MPPED1: variants seen among roughly 807,000 people sequenced by gnomAD.
MPPED1 encodes metallophosphoesterase domain containing 1.
Under a neutral mutation model 36.2 loss-of-function variants are expected in MPPED1, and 16 were observed. The observed-to-expected ratio is 0.44, with a 90% confidence interval of 0.30 to 0.67. The LOEUF is 0.67. Among genes scored for constraint, MPPED1 ranks in the 30% least tolerant of loss-of-function variants. MPPED1 has a pLI of 0.10. For synonymous variants in MPPED1, 199 were observed against 191.3 expected (o/e 1.04, Z -0.33); for missense variants, 307 against 453.4 (o/e 0.68, Z 2.93).
chr22:43,470,106 TCATCCATCCATC>T (rs201279311), intron 3 of MPPED1, among the ~76,000 whole-genome samples: 4 of 150,016 alleles, frequency 2.7e-5, no homozygotes, highest in Non-Finnish European at 3.0e-5. Context: ...CATCCATAAA[TCATCCATCCATC>T]CATCCATCCA....
At chr22:43,444,944 G>C (rs1930285304) in intron 3 of MPPED1, among the ~76,000 whole-genome samples, 1 of 152,120 alleles carries the variant, frequency 6.6e-6, no homozygotes, top group South Asian at 2.1e-4. Flanking sequence ...TTAAAAGCCA[G>C]GGTTGAAAAA....
intron 3 of MPPED1, among the ~76,000 whole-genome samples, chr22:43,463,316 G>T (rs1419978996): frequency 2.0e-5 from 3 of 148,778 alleles, no homozygotes; most frequent in East Asian, 1.9e-4. Context: ...TCAGATGTTG[G>T]GCTTATGATT....
intron 4 of MPPED1, among the ~76,000 whole-genome samples, chr22:43,495,120 AGGTGGTAGGAGGTGGTGGT>A: frequency 6.6e-6 from 1 of 150,816 alleles, no homozygotes; most frequent in Non-Finnish European, 1.5e-5. Flanking sequence ...GTGGTGATGG[AGGTGGTAGGAGGTGGTGGT>A]GGTGGTGATG....
intron 3 of MPPED1, among the ~76,000 whole-genome samples, chr22:43,454,136 G>A (rs1251636907): frequency 4.0e-5 from 6 of 151,878 alleles, no homozygotes; most frequent in Non-Finnish European, 8.8e-5. Flanking sequence ...AGCCTCCCAA[G>A]TAGCTGGGAT....
At chr22:43,454,830 A>G (rs1930696666) in intron 3 of MPPED1, among the ~76,000 whole-genome samples, 1 of 152,040 alleles carries the variant, frequency 6.6e-6, no homozygotes, top group East Asian at 1.9e-4. Flanking sequence ...GGATTGAGAC[A>G]TATATTTCTG....
At position 43,412,173 on chromosome 22, in the gene MPPED1, G is replaced by GGGCGGGGCGGGA. The variant is rs1326126697; in HGVS notation, c.-79+24_-79+25insGGAGGCGGGGCG. 2 of 979,192 alleles carry GGGCGGGGCGGGA rather than the reference G, an allele frequency of 2.0e-6. No homozygotes were observed. Among genetic ancestry groups the GGGCGGGGCGGGA allele is most frequent in the African/African-American group, 3.5e-5 (2 of 56,508 alleles). 60.7% of individuals were successfully genotyped at this position (979,192 alleles called of 1,614,324 possible). ...CCCGGGGCCAGGTAGGACCGGAGGC[G>GGGCGGGGCGGGA]GGCGGGGCGCGGCGGGCGCGGGCGG... On this transcript the variant is annotated intron_variant, in intron 1 of 6. Coordinates refer to ENST00000443721, the MANE Select transcript of MPPED1 (RefSeq NM_001044370.2).
At chr22:43,412,836 T>G (rs1360706878) in intron 1 of MPPED1, among the ~76,000 whole-genome samples, 1 of 152,216 alleles carries the variant, frequency 6.6e-6, no homozygotes, top group African/African-American at 2.4e-5. Flanking sequence ...TTCTGTCTCC[T>G]GTGTGTTTGT....
At position 43,502,554 on chromosome 22, in the gene MPPED1, C is replaced by T; in HGVS notation, c.749-90C>T. The T allele has an allele frequency of 9.7e-7, 1 of 1,032,970 alleles. No homozygotes were observed. Among genetic ancestry groups the T allele is most frequent in the African/African-American group, 1.6e-5 (1 of 63,534 alleles). 64.0% of individuals were successfully genotyped at this position (1,032,970 alleles called of 1,614,324 possible). A position where few individuals can be genotyped will look rare whatever the true frequency, so the allele number is the denominator to read the frequency against. ...CCGGAGTCCGGAAGCCCCATGCCTT[C>T]TCCAGGCTGCAGAAGCTGCTGCTAG... On this transcript the variant is annotated intron_variant, in intron 5 of 6. Transcript: ENST00000443721. This position sits in a 1 kb window ranked among gnomAD's most constrained non-coding sequence, Gnocchi z 5.5.
intron 2 of MPPED1, among the ~76,000 whole-genome samples, chr22:43,427,324 T>C (rs563186800): frequency 1.3e-5 from 2 of 152,212 alleles, no homozygotes; most frequent in African/African-American, 4.8e-5. Context: ...AACTGGGTAA[T>C]TTCTAGGTGA....
At chr22:43,412,313 G>A (rs963003714) in intron 1 of MPPED1, among the ~76,000 whole-genome samples, 155 bp downstream of exon 1, 2 of 151,550 alleles carry the variant, frequency 1.3e-5, no homozygotes, top group African/African-American at 4.8e-5. Flanking sequence ...TGCGGGAAGC[G>A]GGCTGGGCAC....
intron 1 of MPPED1, among the ~76,000 whole-genome samples, chr22:43,414,368 T>C (rs1929006033): frequency 6.6e-6 from 1 of 152,012 alleles, no homozygotes; most frequent in Admixed American, 6.6e-5. Flanking sequence ...CGGTGGTCGC[T>C]GGGATTCCGT....
chr22:43,476,712 G>A (rs146035453), intron 4 of MPPED1, among the ~76,000 whole-genome samples: 3 of 152,086 alleles, frequency 2.0e-5, no homozygotes, highest in Admixed American at 2.0e-4. Flanking sequence ...CATCTCCCTG[G>A]ACTTCACGAT....
chr22:43,460,367 T>C (rs1930916239), intron 3 of MPPED1, among the ~76,000 whole-genome samples: 1 of 147,734 alleles, frequency 6.8e-6, no homozygotes, highest in African/African-American at 2.5e-5. Context: ...TCTGTCTCAC[T>C]GCTTCCAGGT....
intron 2 of MPPED1, among the ~76,000 whole-genome samples, chr22:43,430,216 G>A (rs1339549050): frequency 3.9e-5 from 6 of 152,210 alleles, no homozygotes; most frequent in South Asian, 2.1e-4. Context: ...ATAGGGTTAC[G>A]AGGGGTAACA....
chr22:43,442,209 C>G (rs1197455206), intron 3 of MPPED1, among the ~76,000 whole-genome samples: 2 of 152,090 alleles, frequency 1.3e-5, no homozygotes, highest in East Asian at 3.9e-4. Context: ...GGGAAGGTCC[C>G]CATCCCAGAG....
chr22:43,425,454 T>G (rs1460299915), intron 2 of MPPED1, among the ~76,000 whole-genome samples: 1 of 152,212 alleles, frequency 6.6e-6, no homozygotes, highest in African/African-American at 2.4e-5. Flanking sequence ...GGAGCATGTT[T>G]TACAAATATT....
At chr22:43,452,461 A>G (rs1301952238) in intron 3 of MPPED1, among the ~76,000 whole-genome samples, 1 of 152,106 alleles carries the variant, frequency 6.6e-6, no homozygotes, top group Non-Finnish European at 1.5e-5. Context: ...CCACAACCCT[A>G]GGCCACAGAG....
At chr22:43,432,980 A>G (rs1044921746) in intron 2 of MPPED1, among the ~76,000 whole-genome samples, 1 of 151,910 alleles carries the variant, frequency 6.6e-6, no homozygotes, top group Non-Finnish European at 1.5e-5. Context: ...ATATGAATGA[A>G]TGAATTTGAT....
At chr22:43,495,489 AGGT>A (rs1932254816) in intron 4 of MPPED1, among the ~76,000 whole-genome samples, 4 of 10,478 alleles carry the variant, frequency 3.8e-4, no homozygotes, top group African/African-American at 1.8e-3. Context: ...GTGGTGGTGG[AGGT>A]AGTGGTGGTG....
Sources: allele counts gnomAD v4.1 joint callset (sites outside exome capture counted in the v4.1 genomes callset), GRCh38; gene constraint gnomAD v4.1.1; non-coding constraint Gnocchi (gnomAD v3.1); transcripts MANE v1.5; gene names NCBI Gene and HGNC (gene_info 2026-07-23, HGNC 2026-07-21).